PAIP2B: variants seen among roughly 807,000 people sequenced by gnomAD.
PAIP2B encodes the protein poly(A) binding protein interacting protein 2B.
A neutral mutation model predicts 17.0 loss-of-function variants in PAIP2B; 13 were observed. That is an observed-to-expected ratio of 0.76 (90% CI 0.50 to 1.22). PAIP2B has a LOEUF of 1.22. PAIP2B is among the 50% of genes most tolerant of loss of function. The pLI is 0.00. For synonymous variants in PAIP2B, 43 were observed against 48.7 expected (o/e 0.88, Z 0.48); for missense variants, 117 against 144.5 (o/e 0.81, Z 0.98).
chr2:71,195,666 T>G (rs1484066408), intron 2 of PAIP2B, among the ~76,000 whole-genome samples: 1 of 152,172 alleles, frequency 6.6e-6, no homozygotes, highest in South Asian at 2.1e-4. Flanking sequence ...TGAGATGAAG[T>G]CTCGCTCTGT....
chr2:71,213,258 T>A (rs1205726340), intron 1 of PAIP2B, among the ~76,000 whole-genome samples: 1 of 152,138 alleles, frequency 6.6e-6, no homozygotes, highest in African/African-American at 2.4e-5. Flanking sequence ...CACATGTTCA[T>A]TTTCTTTGAC....
At chr2:71,189,004 C>CTT (rs56008115) in intron 3 of PAIP2B, among the ~76,000 whole-genome samples, 79 of 122,142 alleles carry the variant, frequency 6.5e-4, no homozygotes, top group African/African-American at 7.7e-4. Context: ...TGCTCACAGA[C>CTT]TTTTTTTTTT....
chr2:71,194,739 C>T (rs1477059496), intron 2 of PAIP2B, among the ~76,000 whole-genome samples: 12 of 152,154 alleles, frequency 7.9e-5, no homozygotes, highest in Admixed American at 7.9e-4. Context: ...TGCCTGATTG[C>T]TCCAGCTAGG....
chr2:71,215,199 C>G (rs1326311380), intron 1 of PAIP2B, among the ~76,000 whole-genome samples: 2 of 151,996 alleles, frequency 1.3e-5, no homozygotes, highest in Admixed American at 1.3e-4. Flanking sequence ...AGTCCAGGAG[C>G]CTATATAAAA....
chr2:71,221,836 C>T (rs1322993736), intron 1 of PAIP2B, among the ~76,000 whole-genome samples: 1 of 152,126 alleles, frequency 6.6e-6, no homozygotes, highest in African/African-American at 2.4e-5. Flanking sequence ...TAAAATGCAC[C>T]AGTCAGCGCT....
intron 2 of PAIP2B, among the ~76,000 whole-genome samples, chr2:71,190,834 G>A (rs1674670889): frequency 6.6e-6 from 1 of 152,146 alleles, no homozygotes; most frequent in Admixed American, 6.5e-5. Context: ...TTTGGGTAAG[G>A]AAACCCTCAA....
In PAIP2B at chr2:71,186,697, C is replaced by G. The variant is rs979793707; in HGVS notation, c.*1782G>C. 6.6e-6 allele frequency: 1 copy of G among 152,166 alleles called. No individual in the cohort carries two copies. The highest frequency in any genetic ancestry group is 1.5e-5 in the Non-Finnish European group (1 of 68,020). 9.4% of individuals were successfully genotyped at this position (152,166 alleles called of 1,614,324 possible). A position where few individuals can be genotyped will look rare whatever the true frequency, so the allele number is the denominator to read the frequency against. Reference sequence around the variant, plus strand: ...ATAAAGAAGTTTCTTTATTCATAGTCCTCTCTGAAAAAGAGTTAACAGTTT... The same window carrying G: ...ATAAAGAAGTTTCTTTATTCATAGTGCTCTCTGAAAAAGAGTTAACAGTTT... On this transcript the variant is annotated 3_prime_UTR_variant, in exon 4 of 4. Coordinates refer to ENST00000244221, the MANE Select transcript of PAIP2B (RefSeq NM_020459.1).
At chr2:71,222,475 A>G (rs920725120) in intron 1 of PAIP2B, among the ~76,000 whole-genome samples, 3 of 152,220 alleles carry the variant, frequency 2.0e-5, no homozygotes, top group Non-Finnish European at 2.9e-5. Context: ...CTTGGAAAAT[A>G]CAAATGTTGA....
rs1674451310 is a variant in PAIP2B, at chr2:71,183,435, CAA to C, written c.*5042_*5043del. ...CTGCAGCAGTTCTGGCTCTGGATGA[CAA>C]AGCTCATTCTGATTAGTAGTTTTTT... On this transcript the variant is annotated 3_prime_UTR_variant, in exon 4 of 4. Transcript: ENST00000244221. 1 of 112,678 alleles carries C rather than the reference CAA, an allele frequency of 8.9e-6. No individual in the cohort carries two copies. Among genetic ancestry groups the C allele is most frequent in the African/African-American group, 3.5e-5 (1 of 28,386 alleles). 7.0% of individuals were successfully genotyped at this position (112,678 alleles called of 1,614,324 possible).
intron 2 of PAIP2B, among the ~76,000 whole-genome samples, chr2:71,195,263 C>T (rs753593927): frequency 6.6e-6 from 1 of 152,132 alleles, no homozygotes; most frequent in African/African-American, 2.4e-5. Context: ...AATCCCTCCT[C>T]CTCAATTTTT....
At chr2:71,210,333 G>T (rs146334051) in intron 1 of PAIP2B, among the ~76,000 whole-genome samples, 36 of 152,282 alleles carry the variant, frequency 2.4e-4, no homozygotes, top group African/African-American at 8.4e-4. Flanking sequence ...TTTTTTAAAA[G>T]GTTCCAGGTA....
chr2:71,191,546 C>A (rs956085230), intron 2 of PAIP2B, among the ~76,000 whole-genome samples: 2 of 152,202 alleles, frequency 1.3e-5, no homozygotes, highest in African/African-American at 4.8e-5. Context: ...CTGTCTGTCC[C>A]CTTTAAACTT....
At chr2:71,205,269 A>G (rs1010679982) in intron 1 of PAIP2B, among the ~76,000 whole-genome samples, 5 of 152,214 alleles carry the variant, frequency 3.3e-5, no homozygotes, top group Admixed American at 3.3e-4. Flanking sequence ...AATATTATAC[A>G]GTGTTGATTT....
intron 1 of PAIP2B, among the ~76,000 whole-genome samples, chr2:71,221,950 C>T (rs1675593002): frequency 1.3e-5 from 2 of 152,170 alleles, no homozygotes; most frequent in East Asian, 1.9e-4. Context: ...CTTGATAGCC[C>T]AGAAACGGAA....
At chr2:71,195,670 G>T (rs537254507) in intron 2 of PAIP2B, among the ~76,000 whole-genome samples, 1 of 151,904 alleles carries the variant, frequency 6.6e-6, no homozygotes, top group Non-Finnish European at 1.5e-5. Flanking sequence ...ATGAAGTCTC[G>T]CTCTGTCACC....
chr2:71,219,965 C>T (rs776797066), intron 1 of PAIP2B, among the ~76,000 whole-genome samples: 2 of 152,182 alleles, frequency 1.3e-5, no homozygotes, highest in Non-Finnish European at 2.9e-5. Context: ...TTTAAAAACA[C>T]ACACAATATC....
chr2:71,199,519 G>A (rs1674921024), intron 2 of PAIP2B, among the ~76,000 whole-genome samples: 2 of 150,964 alleles, frequency 1.3e-5, no homozygotes, highest in African/African-American at 4.9e-5. Context: ...TATGTTCCAA[G>A]TTGCATATAA....
At chr2:71,189,158 G>A (rs752700391) in intron 3 of PAIP2B, among the ~76,000 whole-genome samples, 9 of 151,906 alleles carry the variant, frequency 5.9e-5, no homozygotes, top group African/African-American at 1.9e-4. Context: ...GACTACAGGC[G>A]CGCACCACCA....
At chr2:71,195,507 T>C (rs1408207783) in intron 2 of PAIP2B, among the ~76,000 whole-genome samples, 1 of 152,246 alleles carries the variant, frequency 6.6e-6, no homozygotes, top group Non-Finnish European at 1.5e-5. Flanking sequence ...TTCATGTGTG[T>C]AGTGCTTGTA....
Sources: allele counts gnomAD v4.1 joint callset (sites outside exome capture counted in the v4.1 genomes callset), GRCh38; gene constraint gnomAD v4.1.1; transcripts MANE v1.5; gene names NCBI Gene and HGNC (gene_info 2026-07-23, HGNC 2026-07-21).